MRTFB: variants seen among roughly 807,000 people sequenced by gnomAD.
MRTFB encodes the protein myocardin-related transcription factor B.
In MRTFB, 29 loss-of-function variants were observed where a neutral mutation model predicts 104.2. The ratio of observed to expected loss-of-function variants is 0.28; its 90% CI spans 0.21 to 0.38. The LOEUF is 0.38. Ranked by LOEUF, MRTFB falls within the 10% of genes least tolerant of loss-of-function variation. The pLI is 1.00. For missense variants in MRTFB, 1,270 were observed against 1,341.6 expected (o/e 0.95, Z 0.83); for synonymous variants, 535 against 519.5 (o/e 1.03, Z -0.41).
chr16:14,245,068 T>C lies in MRTFB; in HGVS notation c.1080-460T>C, dbSNP rs139967400. On this transcript the variant is annotated intron_variant, in intron 10 of 16. Transcript: ENST00000571589. ...GAATTTCCAACGTAGCATGGCACCA[T>C]TGAAGTCCCGCCCTCTCTCCACTAC... is the stretch of plus-strand genomic sequence containing the variant. 4.5e-3 allele frequency among the ~76,000 whole-genome samples: 679 copies of C among 152,288 alleles called. 4 individuals carry two copies. The highest frequency in any genetic ancestry group is 0.012 in the African/African-American group (509 of 41,558).
chr16:14,244,044 A>G (rs2151386857), intron 10 of MRTFB, among the ~76,000 whole-genome samples: 1 of 151,798 alleles, frequency 6.6e-6, no homozygotes, highest in East Asian at 1.9e-4. Context: ...CGCCTGGCTA[A>G]TTTTTTGTAT....
At chr16:14,140,003 A>G (rs1178261546) in intron 2 of MRTFB, among the ~76,000 whole-genome samples, 1 of 152,180 alleles carries the variant, frequency 6.6e-6, no homozygotes, top group Non-Finnish European at 1.5e-5. Flanking sequence ...AACAACCCCA[A>G]ATTTCAGTGA....
Position 14,261,131 on chromosome 16 carries a change from T to G in MRTFB, c.2987T>G (p.Ile996Ser), listed in dbSNP as rs1567231377. The change falls in exon 17 of 17, where the codon ATT (isoleucine) becomes AGT (serine). Residue 996 changes from isoleucine to serine, a missense_variant. Physicochemically the swap from Ile to Ser is moderately radical, Grantham distance 142 (BLOSUM62 -2). Around this residue, in one of 3 missense-constraint regions of MRTFB, gnomAD observed 1,144 missense variants for 1,131.5 expected, o/e 1.01. Coordinates refer to ENST00000571589, the MANE Select transcript of MRTFB (RefSeq NM_001308142.2). ...GGAACTTTACCCTCAGCCAATGAAATTCCTCCACTACAAAGCAGCAGTGAA... is the reference window on the plus strand; with the variant it reads ...GGAACTTTACCCTCAGCCAATGAAAGTCCTCCACTACAAAGCAGCAGTGAA... ...LDGTLPSANE[I>S]PPLQSSSEDR... 3 of 1,614,168 alleles carry G rather than the reference T, an allele frequency of 1.9e-6. No homozygotes were observed. The South Asian group carries it at 3.3e-5, about 18-fold the overall frequency.
chr16:13,999,032 TA>T, the MRTFB span, among the ~76,000 whole-genome samples: 1 of 149,478 alleles, frequency 6.7e-6, no homozygotes, highest in Admixed American at 6.7e-5. Context: ...TCTACTAAAA[TA>T]CAAAAAATTA....
In MRTFB at chr16:14,177,827, AAAAG is replaced by A. The variant is rs1171537601; in HGVS notation, c.155-32412_155-32409del. Among the ~76,000 whole-genome samples the A allele has an allele frequency of 4.6e-5, 7 of 152,168 alleles. No homozygotes were observed. Among genetic ancestry groups the A allele is most frequent in the Admixed American group, 2.0e-4 (3 of 15,272 alleles). ...AACAGAACAAGTCTCTGTCTTGAAA[AAAAG>A]AAAAAGAATGAAAAGAAAACTCATT... On this transcript the variant is annotated intron_variant, in intron 3 of 16. Coordinates refer to ENST00000571589, the MANE Select transcript of MRTFB (RefSeq NM_001308142.2). This position sits in a 1 kb window ranked among gnomAD's most constrained non-coding sequence, Gnocchi z 4.7.
At chr16:14,200,879 A>G in intron 3 of MRTFB, 1 of 1,458,338 alleles carries the variant, frequency 6.9e-7, no homozygotes, top group East Asian at 2.3e-5. Flanking sequence ...CTCAGGTGTA[A>G]GGTGGGCAGC....
chr16:14,017,711 A>ATATATATATATAT, the MRTFB span, among the ~76,000 whole-genome samples: 3 of 33,612 alleles, frequency 8.9e-5, no homozygotes, highest in Non-Finnish European at 1.5e-4. Context: ...ATATATATAT[A>ATATATATATATAT]TTTTTTTTTT....
intron 3 of MRTFB, among the ~76,000 whole-genome samples, chr16:14,168,605 G>A (rs1330966546): frequency 3.3e-5 from 5 of 152,184 alleles, no homozygotes; most frequent in Non-Finnish European, 7.3e-5. Flanking sequence ...CAGTGTATGA[G>A]TAGATCACAG....
At chr16:14,166,302 C>T (rs1463153618) in intron 3 of MRTFB, among the ~76,000 whole-genome samples, 2 of 150,120 alleles carry the variant, frequency 1.3e-5, no homozygotes, top group Non-Finnish European at 3.0e-5. Flanking sequence ...AATACATATC[C>T]ATATAATAAA....
chr16:14,055,410 A>C, the MRTFB span, among the ~76,000 whole-genome samples: 4 of 152,182 alleles, frequency 2.6e-5, no homozygotes, highest in African/African-American at 7.2e-5. Context: ...TAATCTATCG[A>C]CTGTATTCAG....
chr16:14,143,636 T>C (rs1251647849), intron 3 of MRTFB: 2 of 151,986 alleles, frequency 1.3e-5, no homozygotes, highest in Non-Finnish European at 2.9e-5. Flanking sequence ...ACATTAGATA[T>C]ATCTCCAAAT....
chr16:14,001,796 C>G, the MRTFB span, among the ~76,000 whole-genome samples: 5 of 152,226 alleles, frequency 3.3e-5, no homozygotes, highest in Non-Finnish European at 5.9e-5. Flanking sequence ...CAGACCAGAA[C>G]CTTCCCCAAG....
intron 3 of MRTFB, chr16:14,200,818 G>C: frequency 2.0e-6 from 3 of 1,473,116 alleles, no homozygotes; most frequent in Non-Finnish European, 2.8e-6. Context: ...AAAGTGGTTG[G>C]CGGTGGTTAT....
Position 14,244,828 on chromosome 16 carries a change from T to C in MRTFB, c.1080-700T>C, listed in dbSNP as rs374295749. 3.3e-4 allele frequency among the ~76,000 whole-genome samples: 50 copies of C among 152,358 alleles called. No individual in the cohort carries two copies. In the South Asian group the frequency reaches 9.7e-3, roughly 30 times the overall value. On this transcript the variant is annotated intron_variant, in intron 10 of 16. Transcript: ENST00000571589. ...TTGTCAGAAATATGTATTACAGATA[T>C]GTTGTCCTGCACTGTGGCTTGACTT...
chr16:14,036,296 TTATATATATATA>T, the MRTFB span, among the ~76,000 whole-genome samples: 1 of 98,354 alleles, frequency 1.0e-5, no homozygotes, highest in East Asian at 3.1e-4. Flanking sequence ...TTATATATAT[TTATATATATATA>T]TATATATATA....
rs1443655912 is a variant in MRTFB at position 14,227,718 on chromosome 16, G to C, written c.694-6428G>C. On this transcript the variant is annotated intron_variant, in intron 8 of 16. Coordinates refer to ENST00000571589, the MANE Select transcript of MRTFB (RefSeq NM_001308142.2). ...GTAGAGACAGGGTTTCACCATGTTG[G>C]TCAGGTTGGTCTCAAACTCCTGACC... 3.3e-5 allele frequency among the ~76,000 whole-genome samples: 5 copies of C among 152,108 alleles called. 1 individual carries two copies. The highest frequency in any genetic ancestry group is 4.2e-4 in the South Asian group (2 of 4,814).
chr16:14,147,397 G>A (rs867354924), intron 3 of MRTFB, among the ~76,000 whole-genome samples: 3 of 152,102 alleles, frequency 2.0e-5, no homozygotes, highest in South Asian at 2.1e-4. Context: ...GTACCTTAAG[G>A]GTGAGGTATT....
At chr16:14,251,781 C>G in intron 13 of MRTFB, 81 bp from the exon 14 acceptor site, 1 of 1,504,264 alleles carries the variant, frequency 6.6e-7, no homozygotes, top group East Asian at 2.3e-5. Context: ...TTTGCTGACC[C>G]CTGTCCTAAA....
the MRTFB span, among the ~76,000 whole-genome samples, chr16:14,024,099 C>T: frequency 6.6e-6 from 1 of 151,966 alleles, no homozygotes; most frequent in South Asian, 2.1e-4. Context: ...CTGCTGTTAT[C>T]ACCATCATCT....
Sources: allele counts gnomAD v4.1 joint callset (sites outside exome capture counted in the v4.1 genomes callset), GRCh38; gene constraint gnomAD v4.1.1; regional missense constraint gnomAD v4.1.1; non-coding constraint Gnocchi (gnomAD v3.1); transcripts MANE v1.5; gene names NCBI Gene and HGNC (gene_info 2026-07-23, HGNC 2026-07-21).